CAMK2D: variants seen among roughly 807,000 people sequenced by gnomAD.
CAMK2D encodes calcium/calmodulin-dependent protein kinase type II subunit delta.
Under a neutral mutation model 84.0 loss-of-function variants are expected in CAMK2D, and 37 were observed. That is an observed-to-expected ratio of 0.44 (90% CI 0.34 to 0.58). CAMK2D has a LOEUF of 0.58. CAMK2D is among the 20% of genes least tolerant of loss of function. The pLI is 0.02. For missense variants in CAMK2D, 448 were observed against 652.5 expected, an observed-to-expected ratio of 0.69 and a Z score of 3.41; for synonymous variants, 202 against 212.5, an observed-to-expected ratio of 0.95 and a Z score of 0.43.
intron 4 of CAMK2D, among the ~76,000 whole-genome samples, chr4:113,583,556 G>A (rs1080290): frequency 0.62 from 94,244 of 152,040 alleles, 30,009 homozygotes; most frequent in Middle Eastern, 0.73. Flanking sequence ...ATACGAGGGA[G>A]CAGGATTCCT....
intron 7 of CAMK2D, among the ~76,000 whole-genome samples, chr4:113,533,398 GA>G (rs1199844527): frequency 1.3e-5 from 2 of 152,050 alleles, no homozygotes; most frequent in Non-Finnish European, 2.9e-5. Context: ...AAACTTGCAA[GA>G]ATCTAGGATT....
At chr4:113,694,190 C>A (rs1469892365) in intron 2 of CAMK2D, among the ~76,000 whole-genome samples, 11 of 152,174 alleles carry the variant, frequency 7.2e-5, no homozygotes, top group Admixed American at 7.2e-4. Context: ...CATCTGACCT[C>A]AAACTTTAGG....
At position 113,515,090 on chromosome 4, in the gene CAMK2D, T is replaced by C. The variant is rs750980360; in HGVS notation, c.798A>G (p.Ala266=). Residue 266 remains alanine (A), a synonymous_variant, in exon 10 of 21, where the codon GCA becomes GCG. Coordinates refer to ENST00000511664, the MANE Select transcript of CAMK2D (RefSeq NM_001321571.2). The part of the protein sequence containing the change: ...NPAKRITASE[A]LKHPWICQRS... ...TTACACAGATCCATGGGTGCTTCAG[T>C]GCCTCTGAGGCTGTGATGCGTTTGG... The C allele has an allele frequency of 3.7e-6, 6 of 1,613,550 alleles. No homozygotes were observed. The highest frequency in any genetic ancestry group is 5.1e-6 in the Non-Finnish European group (6 of 1,179,538).
At chr4:113,631,896 T>C (rs549212890) in intron 3 of CAMK2D, among the ~76,000 whole-genome samples, 3 of 152,310 alleles carry the variant, frequency 2.0e-5, no homozygotes, top group Non-Finnish European at 4.4e-5. Flanking sequence ...TTATAGAGTT[T>C]ACATACACTT....
At chr4:113,549,376 G>C (rs934356556) in intron 5 of CAMK2D, among the ~76,000 whole-genome samples, 1 of 152,086 alleles carries the variant, frequency 6.6e-6, no homozygotes, top group Admixed American at 6.6e-5. Flanking sequence ...GAAGAGCTAG[G>C]GAGCTTTCAA....
intron 4 of CAMK2D, among the ~76,000 whole-genome samples, chr4:113,566,466 A>G (rs2098724470): frequency 6.6e-6 from 1 of 152,194 alleles, no homozygotes; most frequent in Non-Finnish European, 1.5e-5. Flanking sequence ...GCCACACTGC[A>G]GCAAGAGAGA....
At chr4:113,681,085 C>G (rs1334884137) in intron 2 of CAMK2D, among the ~76,000 whole-genome samples, 1 of 152,166 alleles carries the variant, frequency 6.6e-6, no homozygotes, top group Non-Finnish European at 1.5e-5. Flanking sequence ...TTTACTGAAG[C>G]AAATATTGTA....
intron 3 of CAMK2D, among the ~76,000 whole-genome samples, chr4:113,654,770 TA>T: frequency 6.6e-6 from 1 of 151,960 alleles, no homozygotes; most frequent in East Asian, 1.9e-4. Context: ...TCCTAAATAT[TA>T]AAACAAAAAA....
chr4:113,565,668 A>T (rs2098720166), intron 4 of CAMK2D, among the ~76,000 whole-genome samples: 3 of 146,686 alleles, frequency 2.0e-5, no homozygotes. Flanking sequence ...AAAAAAAAAG[A>T]AGTCACACAA....
chr4:113,631,446 G>A (rs1171311238), intron 3 of CAMK2D, among the ~76,000 whole-genome samples: 2 of 152,148 alleles, frequency 1.3e-5, no homozygotes, highest in African/African-American at 4.8e-5. Flanking sequence ...ACCCAGACAG[G>A]CTGCAGTTGA....
At chr4:113,512,945 AGTTATTACTTTAT>A (rs2098235847) in intron 12 of CAMK2D, among the ~76,000 whole-genome samples, 1 of 152,206 alleles carries the variant, frequency 6.6e-6, no homozygotes, top group South Asian at 2.1e-4. Flanking sequence ...ACTTATTCAA[AGTTATTACTTTAT>A]GAAATATCAG....
chr4:113,469,803 C>T (rs1023639563), intron 16 of CAMK2D, among the ~76,000 whole-genome samples: 4 of 152,262 alleles, frequency 2.6e-5, no homozygotes, highest in African/African-American at 9.6e-5. Context: ...TATTTGACTC[C>T]CTAAATCCAG....
chr4:113,682,573 T>C (rs957011725), intron 2 of CAMK2D, among the ~76,000 whole-genome samples: 3 of 152,144 alleles, frequency 2.0e-5, no homozygotes, highest in African/African-American at 7.2e-5. Flanking sequence ...TGTAATGCAA[T>C]TATGAGTAGG....
intron 4 of CAMK2D, among the ~76,000 whole-genome samples, chr4:113,574,123 G>T (rs762520512): frequency 2.6e-5 from 4 of 152,104 alleles, no homozygotes; most frequent in Non-Finnish European, 5.9e-5. Context: ...GTTCCGTACT[G>T]TGGCATCCAG....
intron 4 of CAMK2D, among the ~76,000 whole-genome samples, chr4:113,589,554 G>A (rs376851321): frequency 4.9e-4 from 74 of 152,158 alleles, no homozygotes; most frequent in African/African-American, 1.6e-3. Context: ...AGAGAAGGGC[G>A]CAATGAGTCA....
At chr4:113,547,785 A>T (rs1488690140) in intron 5 of CAMK2D, 69 bp from the exon 6 acceptor site, 4 of 999,022 alleles carry the variant, frequency 4.0e-6, no homozygotes, top group Non-Finnish European at 5.8e-6. Context: ...ACCCTCAGAG[A>T]GACTGGGTTA....
intron 4 of CAMK2D, among the ~76,000 whole-genome samples, chr4:113,586,871 A>G (rs574626563): frequency 6.6e-6 from 1 of 152,168 alleles, no homozygotes; most frequent in Non-Finnish European, 1.5e-5. Context: ...AGGTAAAAGA[A>G]CAGGGTCATG....
intron 2 of CAMK2D, among the ~76,000 whole-genome samples, chr4:113,698,821 G>C (rs891389918): frequency 2.0e-5 from 3 of 152,050 alleles, no homozygotes; most frequent in Admixed American, 1.3e-4. Flanking sequence ...TGGGTATATA[G>C]CTATATCACC....
rs1194393580 is a variant in CAMK2D at position 113,465,601 on chromosome 4, C to T, written c.1139G>A (p.Arg380Gln). Reference protein sequence around the residue: ...TTIEDEDVKARKQEIIKVTEQ... With the variant: ...TTIEDEDVKAQKQEIIKVTEQ... Reference sequence around the variant, plus strand: ...AGTGACTTTGATAATCTCTTGCTTTCGTGCTAAAGGCAAAAATATGGAGTT... The same window carrying T: ...AGTGACTTTGATAATCTCTTGCTTTTGTGCTAAAGGCAAAAATATGGAGTT... The change falls in exon 17 of 21, where the codon CGA becomes CAA. Residue 380 changes from arginine to glutamine, a missense_variant. Transcript: ENST00000511664. 1.0e-5 allele frequency: 16 copies of T among 1,606,352 alleles called. No homozygotes were observed. Among genetic ancestry groups the T allele is most frequent in the Admixed American group, 3.3e-5 (2 of 59,866 alleles).
Sources: allele counts gnomAD v4.1 joint callset (sites outside exome capture counted in the v4.1 genomes callset), GRCh38; gene constraint gnomAD v4.1.1; transcripts MANE v1.5; gene names NCBI Gene and HGNC (gene_info 2026-07-23, HGNC 2026-07-21).